Variants in WDR18 observed in about 807,000 individuals in gnomAD.
The protein encoded by WDR18 is WD repeat-containing protein 18.
WDR18 carries 33 observed loss-of-function variants against 49.6 expected under a neutral mutation model. The observed-to-expected ratio is 0.67, with a 90% CI of 0.50 to 0.89. The LOEUF (loss-of-function observed/expected upper bound fraction) is 0.89. WDR18 is among the 40% of genes least tolerant of loss of function. WDR18 has a pLI of 0.00. For synonymous variants in WDR18, 315 were observed against 263.6 expected (o/e 1.19, Z -1.89); for missense variants, 653 against 593.6 (o/e 1.10, Z -1.04).
At chr19:988,650 C>T (rs1411371213) in intron 2 of WDR18, among the ~76,000 whole-genome samples, 1 of 152,198 alleles carries the variant, frequency 6.6e-6, no homozygotes, top group Non-Finnish European at 1.5e-5. Context: ...GGCCAGACGT[C>T]CTAAATCAAG....
chr19:991,827 G>A, intron 7 of WDR18, 128 bp from the exon 8 acceptor site: 1 of 1,041,620 alleles, frequency 9.6e-7, no homozygotes, highest in Non-Finnish European at 1.2e-6. Flanking sequence ...GCCTGGCTGG[G>A]GGCGTGGACT....
upstream of WDR18, chr19:984,219 CCT>C (rs1206439507): frequency 2.4e-5 from 23 of 942,508 alleles, no homozygotes; most frequent in African/African-American, 3.9e-4. Context: ...CAAGAAAGCC[CCT>C]CTCTCCGAGG....
upstream of WDR18, chr19:984,279 C>T (rs2038449499): frequency 1.4e-6 from 2 of 1,380,222 alleles, no homozygotes; most frequent in Non-Finnish European, 1.9e-6. Flanking sequence ...GCGGGGCCGC[C>T]GCTCTGGCCC....
intron 2 of WDR18, among the ~76,000 whole-genome samples, chr19:987,486 C>G (rs539839640): frequency 2.0e-5 from 3 of 152,348 alleles, no homozygotes; most frequent in African/African-American, 7.2e-5. Context: ...TGCTCTTGAA[C>G]TCCTGGGCTC....
At position 985,905 on chromosome 19, in the gene WDR18, C is replaced by G. The variant is rs770081215; in HGVS notation, c.251C>G (p.Thr84Ser). ...QQKIMCPGPV[T>S]CLTASPNGLY... ...AAGATCATGTGCCCCGGGCCTGTCA[C>G]CTGTCTGACTGCATCACCCAATGGT... The change falls in exon 2 of 10, where the codon ACC becomes AGC. Residue 84 changes from threonine to serine, a missense_variant. Thr to Ser is a moderately conservative substitution (Grantham distance 58). Coordinates refer to ENST00000585809, the MANE Select transcript of WDR18 (RefSeq NM_024100.4). The G allele has an allele frequency of 2.5e-6, 4 of 1,613,848 alleles. No homozygotes were observed. In the Admixed American group the frequency reaches 5.0e-5, roughly 20 times the overall value.
At chr19:984,750 C>A (rs2038457656) in intron 1 of WDR18, among the ~76,000 whole-genome samples, 187 bp downstream of exon 1, 1 of 150,076 alleles carries the variant, frequency 6.7e-6, no homozygotes, top group South Asian at 2.1e-4. Flanking sequence ...CCTGTTAGGC[C>A]GCTCTGCGCA....
At chr19:993,889 C>A in intron 8 of WDR18, 131 bp from the exon 9 acceptor site, 1 of 1,013,514 alleles carries the variant, frequency 9.9e-7, no homozygotes, top group Non-Finnish European at 1.5e-6. Flanking sequence ...TCAGTCTTCC[C>A]TTCTGTCTGT....
In WDR18 at chr19:994,199, G is replaced by A. The variant is rs145086348; in HGVS notation, c.1168-14G>A. The A allele has an allele frequency of 3.1e-6, 5 of 1,591,160 alleles. No individual in the cohort carries two copies. The highest frequency in any genetic ancestry group is 1.3e-5 in the African/African-American group (1 of 74,490). On this transcript the variant is annotated splice_polypyrimidine_tract_variant and intron_variant, in intron 9 of 9. Transcript: ENST00000585809. ...CAGGCCACTTCTGCCCTCTGACCCC[G>A]ACTTCTCCCGCAGAGCGTGCTCGGC...
chr19:983,367 C>T (rs916020758), upstream of WDR18, among the ~76,000 whole-genome samples: 6 of 152,090 alleles, frequency 3.9e-5, no homozygotes, highest in African/African-American at 1.4e-4. Flanking sequence ...TCTCGGCTCA[C>T]TGAGACCTCC....
chr19:988,781 A>G (rs1473653065), intron 2 of WDR18, among the ~76,000 whole-genome samples: 2 of 152,056 alleles, frequency 1.3e-5, no homozygotes, highest in Non-Finnish European at 2.9e-5. Flanking sequence ...CTCTGCTGCC[A>G]CCACTGCCGC....
intron 2 of WDR18, among the ~76,000 whole-genome samples, chr19:987,027 T>C (rs1025202641): frequency 2.6e-5 from 4 of 152,098 alleles, no homozygotes; most frequent in Non-Finnish European, 5.9e-5. Flanking sequence ...TGGGTGGGCA[T>C]GAGCATTCTC....
At chr19:989,040 GC>G (rs1568384554) in intron 2 of WDR18, among the ~76,000 whole-genome samples, 706 of 62,256 alleles carry the variant, frequency 0.011, 26 homozygotes, top group Admixed American at 0.013. Flanking sequence ...AGCATCTCAG[GC>G]CTCGAACCCA....
Position 992,060 on chromosome 19 carries a change from C to A in WDR18, c.1037C>A (p.Ala346Asp). The change falls in exon 8 of 10, where the codon GCC (alanine) becomes GAC (aspartate). Residue 346 changes from alanine (A) to aspartate (D), a missense_variant. Coordinates refer to ENST00000585809, the MANE Select transcript of WDR18 (RefSeq NM_024100.4). ...CACTTCAACAAGCACCTGCTGGGCG[C>A]CGAGCACGGGGACGAGCCGCGCCAC... ...LPHFNKHLLG[A>D]EHGDEPRHGG... 1 of 1,575,160 alleles carries A rather than the reference C, an allele frequency of 6.3e-7. No individual in the cohort carries two copies.
rs1287401958 is a variant in WDR18, at chr19:994,253, C to T, written c.1208C>T (p.Thr403Met). 9 of 1,608,632 alleles carry T rather than the reference C, an allele frequency of 5.6e-6. No homozygotes were observed. The highest frequency in any genetic ancestry group is 1.1e-5 in the South Asian group (1 of 90,492). ...GGQDQLRVRV[T>M]ELEDEVRNLR... Reference sequence around the variant, plus strand: ...CAGGACCAGCTGCGCGTCCGTGTGACGGAGCTGGAGGACGAGGTGCGCAAC... The same window carrying T: ...CAGGACCAGCTGCGCGTCCGTGTGATGGAGCTGGAGGACGAGGTGCGCAAC... Residue 403 changes from threonine to methionine, a missense_variant, in exon 10 of 10, where the codon ACG becomes ATG. Physicochemically the swap from Thr to Met is moderately conservative, Grantham distance 81. Coordinates refer to ENST00000585809, the MANE Select transcript of WDR18 (RefSeq NM_024100.4).
At chr19:990,686 C>T in intron 4 of WDR18, 166 bp from the exon 5 acceptor site, 1 of 1,077,726 alleles carries the variant, frequency 9.3e-7, no homozygotes, top group Middle Eastern at 3.1e-4. Context: ...CAGCACAGGC[C>T]ATGTCCCCTG....
At position 994,136 on chromosome 19, in the gene WDR18, T is replaced by C. The variant is rs548856093; in HGVS notation, c.1167+48T>C. 2.0e-4 allele frequency: 313 copies of C among 1,547,492 alleles called. 4 individuals are homozygous for C. In the South Asian group the frequency reaches 3.5e-3, roughly 17 times the overall value. ...CGGGGCCTGAGGCTGGGGTCAGTCC[T>C]GGCCAGTGGGGGTGAGTGGCCCCCC... On this transcript the variant is annotated intron_variant, in intron 9 of 9. Coordinates refer to ENST00000585809, the MANE Select transcript of WDR18 (RefSeq NM_024100.4).
rs1433165483 is a variant in WDR18 at position 984,436 on chromosome 19, G to GCGCCAACCTGCT, written c.85_96dup (p.Ala29_Leu32dup). 6.2e-7 allele frequency: 1 copy of GCGCCAACCTGCT among 1,600,330 alleles called. No homozygotes were observed. The highest frequency in any genetic ancestry group is 2.3e-5 in the East Asian group (1 of 43,622). ...TGCATCGTGTGGGAACTTCACTCGG[G>GCGCCAACCTGCT]CGCCAACCTGCTCACCTACCGCGGC... On this transcript the variant is annotated inframe_insertion, in exon 1 of 10. Transcript: ENST00000585809.
At chr19:991,795 C>G (rs373475099) in intron 7 of WDR18, among the ~76,000 whole-genome samples, 160 bp from the exon 8 acceptor site, 3 of 80,196 alleles carry the variant, frequency 3.7e-5, no homozygotes, top group South Asian at 4.6e-4. Context: ...TGGCTGGGGG[C>G]GTGGACTGGT....
At chr19:991,681 GGACTGA>G in intron 7 of WDR18, among the ~76,000 whole-genome samples, 1 of 94,694 alleles carries the variant, frequency 1.1e-5, no homozygotes, top group East Asian at 3.0e-4. Context: ...CTGGGGGCGT[GGACTGA>G]CTGTGGGGCG....
Sources: allele counts gnomAD v4.1 joint callset (sites outside exome capture counted in the v4.1 genomes callset), GRCh38; gene constraint gnomAD v4.1.1; transcripts MANE v1.5; gene names NCBI Gene and HGNC (gene_info 2026-07-23, HGNC 2026-07-21).